STK3: variants seen among roughly 807,000 people sequenced by gnomAD.
STK3 encodes the protein serine/threonine-protein kinase 3.
In STK3, 41 loss-of-function variants were observed where a neutral mutation model predicts 58.0. That is an observed-to-expected ratio of 0.71 (90% CI 0.55 to 0.92). STK3 has a LOEUF of 0.92. STK3 is among the 40% of genes least tolerant of loss of function. The probability of loss-of-function intolerance (pLI) is 0.00; values close to 1 mark genes in which losing one functional copy is unlikely to be tolerated. For synonymous variants in STK3, 170 were observed against 191.0 expected (o/e 0.89, Z 0.91); for missense variants, 479 against 602.7 (o/e 0.79, Z 2.15).
At chr8:98,932,645 T>G (rs1019220264) in intron 1 of STK3, among the ~76,000 whole-genome samples, 1 of 152,228 alleles carries the variant, frequency 6.6e-6, no homozygotes, top group African/African-American at 2.4e-5. Flanking sequence ...TCTATAGGCA[T>G]ATCACCAAGG....
At chr8:98,622,845 C>T (rs889900364) in intron 6 of STK3, among the ~76,000 whole-genome samples, 16 of 152,086 alleles carry the variant, frequency 1.1e-4, no homozygotes, top group Admixed American at 7.2e-4. Flanking sequence ...TACTATTTCC[C>T]ATTTTAAAAT....
At chr8:98,619,000 T>A (rs1193202948) in intron 6 of STK3, among the ~76,000 whole-genome samples, 2 of 149,284 alleles carry the variant, frequency 1.3e-5, no homozygotes, top group South Asian at 2.2e-4. Flanking sequence ...AGAGCCCGCA[T>A]CGCCAAGTCA....
intron 3 of STK3, among the ~76,000 whole-genome samples, chr8:98,418,085 A>T (rs921063833): frequency 5.7e-4 from 86 of 152,092 alleles, no homozygotes; most frequent in Admixed American, 9.2e-4. Context: ...AATTAAAAAA[A>T]TTTTTTTGTA....
At chr8:98,501,658 G>A (rs148940845) in intron 10 of STK3, among the ~76,000 whole-genome samples, 1,661 of 152,306 alleles carry the variant, frequency 0.011, 24 homozygotes, top group African/African-American at 0.037. Flanking sequence ...TTATTAAATA[G>A]GGAATCCTTT....
Position 98,550,931 on chromosome 8 carries a change from C to T in STK3, c.949-2770G>A, listed in dbSNP as rs1586839749. On this transcript the variant is annotated intron_variant, in intron 8 of 10. Transcript: ENST00000419617. ...CATTCTAATGAAGAATCTACAATGG[C>T]TCCCAGTTCCTGCCTTCATTAAAGC... Among the ~76,000 whole-genome samples the T allele has an allele frequency of 2.6e-5, 4 of 152,300 alleles. No homozygotes were observed. In the South Asian group the frequency reaches 6.2e-4, roughly 24 times the overall value.
intron 6 of STK3, chr8:98,603,242 T>A (rs1267247726): frequency 6.6e-6 from 1 of 152,110 alleles, no homozygotes; most frequent in Non-Finnish European, 1.5e-5. Flanking sequence ...GTGTTTTTTT[T>A]TTTTATTTTT....
chr8:98,817,088 C>T (rs1226100137), intron 1 of STK3, among the ~76,000 whole-genome samples: 3 of 152,170 alleles, frequency 2.0e-5, no homozygotes, highest in Non-Finnish European at 2.9e-5. Context: ...CACACCTGAA[C>T]ATGTCAACAC....
intron 1 of STK3, among the ~76,000 whole-genome samples, chr8:98,940,563 C>T (rs1840375117): frequency 6.6e-6 from 1 of 152,144 alleles, no homozygotes; most frequent in African/African-American, 2.4e-5. Context: ...GGGGTTCCTG[C>T]AGTGAGGAAC....
intron 8 of STK3, 151 bp from the exon 9 acceptor site, chr8:98,548,312 AT>A (rs1300432186): frequency 3.5e-6 from 2 of 570,134 alleles, no homozygotes; most frequent in Non-Finnish European, 5.2e-6. Context: ...TACAAATGTT[AT>A]TTTAAGAGTG....
intron 6 of STK3, among the ~76,000 whole-genome samples, chr8:98,705,808 C>A (rs954140853): frequency 5.3e-5 from 8 of 151,896 alleles, no homozygotes; most frequent in Admixed American, 5.2e-4. Flanking sequence ...TAGTAATAAA[C>A]CTAAAAAGTA....
rs567319215 is a variant in STK3 at position 98,558,802 on chromosome 8, C to T, written c.949-10641G>A. 3.4e-4 allele frequency among the ~76,000 whole-genome samples: 52 copies of T among 151,938 alleles called. 1 individual carries two copies. Among genetic ancestry groups the T allele is most frequent in the Non-Finnish European group, 5.2e-4 (35 of 67,936 alleles). On this transcript the variant is annotated intron_variant, in intron 8 of 10. Transcript: ENST00000419617. The stretch of plus-strand genomic sequence containing the variant: ...TTGGTAGTAAACAGAAATTTTAATA[C>T]ATAAATTGTATTTTTATTGTTTAAA...
intron 6 of STK3, chr8:98,597,738 T>C (rs1815952973): frequency 1.0e-6 from 1 of 984,996 alleles, no homozygotes. Context: ...TCCCTTTAAA[T>C]ATCAGACCTT....
At chr8:98,675,982 T>C (rs886969080) in intron 6 of STK3, among the ~76,000 whole-genome samples, 3 of 152,044 alleles carry the variant, frequency 2.0e-5, no homozygotes, top group African/African-American at 7.2e-5. Flanking sequence ...GATGCACAGA[T>C]AAACAAAATG....
intron 3 of STK3, among the ~76,000 whole-genome samples, chr8:98,755,899 T>C (rs1670036930): frequency 6.6e-6 from 1 of 152,102 alleles, no homozygotes; most frequent in Non-Finnish European, 1.5e-5. Flanking sequence ...CCCAGCACTT[T>C]GGGAGGCCGA....
Sources: gnomAD v4.1 joint callset for allele counts (sites outside exome capture counted in the v4.1 genomes callset) on GRCh38, gnomAD v4.1.1 for gene constraint, MANE v1.5 for transcripts, NCBI Gene and HGNC (gene_info 2026-07-23, HGNC 2026-07-21) for gene names.